Variants in EFHC2 observed in about 807,000 individuals in gnomAD.
EFHC2 encodes the protein EF-hand domain-containing family member C2.
Under a neutral mutation model 52.7 loss-of-function variants are expected in EFHC2, and 18 were observed. The observed-to-expected ratio is 0.34, with a 90% CI of 0.24 to 0.51. The LOEUF is 0.51. Among genes scored for constraint, EFHC2 ranks in the 20% least tolerant of loss-of-function variants. The pLI is 0.97. For synonymous variants in EFHC2, 203 were observed against 204.1 expected, an observed-to-expected ratio of 0.99 and a Z score of 0.04; for missense variants, 513 against 562.5, an observed-to-expected ratio of 0.91 and a Z score of 0.89.
At chrX:44,238,489 C>G (rs1473597009) in intron 8 of EFHC2, among the ~76,000 whole-genome samples, 1 of 111,271 alleles carries the variant, frequency 9.0e-6, no homozygotes, top group Non-Finnish European at 1.9e-5. Flanking sequence ...TCTAATGGCC[C>G]CCTTATCACT....
At position 44,248,831 on chromosome X, in the gene EFHC2, G is replaced by T. The variant is rs761560323; in HGVS notation, c.944C>A (p.Ala315Glu). ...ATATCTATCGAACAGGTAGCCATCC[G>T]CTTGGTTCTTTATAAAGTCACCATA... ...NSYGDFIKNQADGYLFDRYKL... is the reference protein window; with the variant it reads ...NSYGDFIKNQEDGYLFDRYKL... The change falls in exon 6 of 15, where the codon GCG (alanine) becomes GAG (glutamate). Residue 315 changes from alanine to glutamate, a missense_variant. Transcript: ENST00000420999. 3 of 1,207,001 alleles carry T rather than the reference G, an allele frequency of 2.5e-6. No individual in the cohort carries two copies. In the African/African-American group the frequency reaches 5.3e-5, roughly 21 times the overall value.
chrX:44,343,405 T>C (rs2038164482), intron 1 of EFHC2, 142 bp downstream of exon 1: 2 of 632,249 alleles, frequency 3.2e-6, no homozygotes, highest in Middle Eastern at 4.7e-4. Flanking sequence ...AAGCAGCCTA[T>C]AAAGTTTGGT....
chrX:44,151,121 G>A (rs763515872), intron 14 of EFHC2, among the ~76,000 whole-genome samples: 1 of 110,981 alleles, frequency 9.0e-6, no homozygotes, highest in South Asian at 3.9e-4. Flanking sequence ...TTCCCACACA[G>A]GTTTCAGAGA....
At chrX:44,189,636 G>C (rs975671778) in intron 11 of EFHC2, among the ~76,000 whole-genome samples, 3 of 111,334 alleles carry the variant, frequency 2.7e-5, no homozygotes, top group African/African-American at 9.8e-5. Flanking sequence ...GTAGGCACGG[G>C]AGTGCATCTG....
intron 11 of EFHC2, among the ~76,000 whole-genome samples, chrX:44,226,710 C>G (rs766282751): frequency 5.4e-4 from 59 of 108,839 alleles, no homozygotes; most frequent in Middle Eastern, 9.2e-3. Context: ...CACATGTACA[C>G]AGGGAGGGGA....
chrX:44,329,926 G>C (rs959893767), intron 1 of EFHC2, among the ~76,000 whole-genome samples: 1 of 108,782 alleles, frequency 9.2e-6, no homozygotes, highest in African/African-American at 3.3e-5. Context: ...AATATAAAAT[G>C]TAAAACTATA....
intron 11 of EFHC2, among the ~76,000 whole-genome samples, chrX:44,194,322 T>G (rs889630541): frequency 7.2e-5 from 8 of 111,818 alleles, no homozygotes; most frequent in African/African-American, 2.6e-4. Context: ...GAATCAAATC[T>G]GAATTAGAAG....
Position 44,330,085 on chromosome X carries a change from CAAAAA to C in EFHC2, c.42+13457_42+13461del, listed in dbSNP as rs34888507. On this transcript the variant is annotated intron_variant, in intron 1 of 14. Transcript: ENST00000420999. ...GCAACATGGTAAAACCCTGTCTCTACAAAAAAAAAAAAAAAAAAAAAATGAGCCTG... is the reference window on the plus strand; with the variant it reads ...GCAACATGGTAAAACCCTGTCTCTACAAAAAAAAAAAAAAAAATGAGCCTG... 4.1e-3 allele frequency among the ~76,000 whole-genome samples: 189 copies of C among 46,374 alleles called. 1 individual carries two copies. Among genetic ancestry groups the C allele is most frequent in the African/African-American group, 0.016 (167 of 10,553 alleles). 40.3% of individuals were successfully genotyped at this position (46,374 alleles called of 115,157 possible).
In EFHC2 at chrX:44,158,968, T is replaced by C. The variant is rs6610894; in HGVS notation, c.2148+4954A>G. ...TCCTGGATTTCCTGAGCTACAAACA[T>C]GTCTTGGCTACAAAGAGCCACGCTG... On this transcript the variant is annotated intron_variant, in intron 14 of 14. Coordinates refer to ENST00000420999, the MANE Select transcript of EFHC2 (RefSeq NM_025184.4). 4.4e-3 allele frequency among the ~76,000 whole-genome samples: 495 copies of C among 112,131 alleles called. 16 individuals carry two copies. In the East Asian group the frequency reaches 0.11, roughly 24 times the overall value.
intron 8 of EFHC2, among the ~76,000 whole-genome samples, chrX:44,238,112 T>A (rs1309736254): frequency 9.0e-6 from 1 of 111,345 alleles, no homozygotes; most frequent in Non-Finnish European, 1.9e-5. Context: ...TCTACTCTTG[T>A]CCCTAAACCT....
At position 44,157,754 on chromosome X, in the gene EFHC2, C is replaced by A. The variant is rs374159467; in HGVS notation, c.2148+6168G>T. Among the ~76,000 whole-genome samples, 11 of 96,618 alleles carry A rather than the reference C, an allele frequency of 1.1e-4. No homozygotes were observed. In the South Asian group the frequency reaches 5.3e-3, roughly 47 times the overall value. The allele number at this position is 96,618 out of a possible 115,157, so 83.9% of individuals were successfully genotyped here. On this transcript the variant is annotated intron_variant, in intron 14 of 14. Transcript: ENST00000420999. Reference sequence around the variant, plus strand: ...GTGCTCCACCCCCCTCCCCGCCCCGCTTGGTTCCCTTAACCCTACCCACCC... The same window carrying A: ...GTGCTCCACCCCCCTCCCCGCCCCGATTGGTTCCCTTAACCCTACCCACCC...
At chrX:44,174,298 G>A (rs751454930) in intron 13 of EFHC2, among the ~76,000 whole-genome samples, 170 of 111,506 alleles carry the variant, frequency 1.5e-3, no homozygotes, top group African/African-American at 5.1e-3. Context: ...TGGACTCAAA[G>A]AATTTAAGAG....
intron 11 of EFHC2, among the ~76,000 whole-genome samples, chrX:44,197,443 A>T (rs776673417): frequency 1.8e-5 from 2 of 111,993 alleles, no homozygotes; most frequent in Non-Finnish European, 3.8e-5. Context: ...GAACATCTTA[A>T]GAGAAGAAAT....
At chrX:44,257,853 C>T (rs2037504469) in intron 4 of EFHC2, among the ~76,000 whole-genome samples, 1 of 111,831 alleles carries the variant, frequency 8.9e-6, no homozygotes, top group Admixed American at 9.5e-5. Context: ...AAGAATAAAG[C>T]TGGAGGCATC....
chrX:44,337,032 C>CT lies in EFHC2; in HGVS notation c.42+6514_42+6515insA, dbSNP rs764494882. Among the ~76,000 whole-genome samples, 29 of 111,919 alleles carry CT rather than the reference C, an allele frequency of 2.6e-4. 1 individual carries two copies. In the East Asian group the frequency reaches 8.1e-3, roughly 31 times the overall value. The stretch of plus-strand genomic sequence containing the variant: ...TAGTTTTAGTAGCTTTATTATGTAA[C>CT]ATTGTCAATACATTTTGATGTTGAA... On this transcript the variant is annotated intron_variant, in intron 1 of 14. Coordinates refer to ENST00000420999, the MANE Select transcript of EFHC2 (RefSeq NM_025184.4).
chrX:44,331,276 A>T (rs1461354648), intron 1 of EFHC2, among the ~76,000 whole-genome samples: 1 of 112,477 alleles, frequency 8.9e-6, no homozygotes, highest in Non-Finnish European at 1.9e-5. Context: ...ACAAATTCCA[A>T]AAGGTACATA....
At chrX:44,166,237 G>A (rs2147271144) in intron 13 of EFHC2, among the ~76,000 whole-genome samples, 1 of 111,605 alleles carries the variant, frequency 9.0e-6, no homozygotes, top group Admixed American at 9.5e-5. Flanking sequence ...TTAGATGAGG[G>A]TGGTGGCACT....
chrX:44,221,484 A>G (rs2037193111), intron 11 of EFHC2, among the ~76,000 whole-genome samples: 1 of 112,158 alleles, frequency 8.9e-6, no homozygotes, highest in South Asian at 3.7e-4. Flanking sequence ...TATTTCACTG[A>G]TATTTTTGTT....
intron 1 of EFHC2, among the ~76,000 whole-genome samples, chrX:44,325,750 C>G (rs1412976229): frequency 9.6e-6 from 1 of 104,284 alleles, no homozygotes; most frequent in Non-Finnish European, 1.9e-5. Context: ...AACCACAAGA[C>G]AAAGGCAGGT....
Sources: allele counts gnomAD v4.1 joint callset (sites outside exome capture counted in the v4.1 genomes callset), GRCh38; gene constraint gnomAD v4.1.1; transcripts MANE v1.5; gene names NCBI Gene and HGNC (gene_info 2026-07-23, HGNC 2026-07-21).